MEOX2: variants seen among roughly 807,000 people sequenced by gnomAD.
MEOX2 encodes mesenchyme homeobox 2.
In MEOX2, 11 loss-of-function variants were observed where a neutral mutation model predicts 27.0. That is an observed-to-expected ratio of 0.41 (90% CI 0.26 to 0.68). The LOEUF (loss-of-function observed/expected upper bound fraction) is 0.68. Ranked by LOEUF, MEOX2 falls within the 30% of genes least tolerant of loss-of-function variation. MEOX2 has a pLI of 0.33. For missense variants in MEOX2, 436 were observed against 385.4 expected (o/e 1.13, Z -1.10); for synonymous variants, 189 against 155.4 (o/e 1.22, Z -1.61).
intron 2 of MEOX2, among the ~76,000 whole-genome samples, chr7:15,618,410 G>A (rs528670193): frequency 2.5e-4 from 38 of 152,014 alleles, no homozygotes; most frequent in Non-Finnish European, 4.4e-4. Context: ...CATGGAATTT[G>A]TATATTCTGA....
intron 1 of MEOX2, among the ~76,000 whole-genome samples, chr7:15,685,353 T>TAA (rs113917849): frequency 7.5e-4 from 111 of 147,060 alleles, no homozygotes; most frequent in Non-Finnish European, 8.7e-4. Context: ...ATAAGAATGT[T>TAA]AAAAAAAAAA....
At chr7:15,672,326 G>A (rs1418011728) in intron 1 of MEOX2, among the ~76,000 whole-genome samples, 1 of 152,080 alleles carries the variant, frequency 6.6e-6, no homozygotes, top group African/African-American at 2.4e-5. Flanking sequence ...GTAATGCTCA[G>A]AAGCTCAACA....
chr7:15,675,120 T>G (rs2115393631), intron 1 of MEOX2, among the ~76,000 whole-genome samples: 1 of 152,336 alleles, frequency 6.6e-6, no homozygotes, highest in South Asian at 2.1e-4. Flanking sequence ...AACAGATACT[T>G]CAATTCACAA....
In MEOX2 at chr7:15,686,676, C is replaced by A; in HGVS notation, c.-274G>T. On this transcript the variant is annotated 5_prime_UTR_variant, in exon 1 of 3. Coordinates refer to ENST00000262041, the MANE Select transcript of MEOX2 (RefSeq NM_005924.5). ...GCCAAAAGAAGGTGGTCCCAGAGAA[C>A]TGCTTTCAGGGGGAAATGGCTCTGA... 2.1e-6 allele frequency: 1 copy of A among 477,538 alleles called. No homozygotes were observed. Among genetic ancestry groups the A allele is most frequent in the Non-Finnish European group, 3.7e-6 (1 of 270,434 alleles). 29.6% of individuals were successfully genotyped at this position (477,538 alleles called of 1,614,324 possible). A position where few individuals can be genotyped will look rare whatever the true frequency, so the allele number is the denominator to read the frequency against.
chr7:15,660,198 G>C (rs1781890553), intron 1 of MEOX2, among the ~76,000 whole-genome samples: 1 of 152,110 alleles, frequency 6.6e-6, no homozygotes, highest in African/African-American at 2.4e-5. Flanking sequence ...ACACAATCTA[G>C]AAACACAAAA....
intron 1 of MEOX2, among the ~76,000 whole-genome samples, chr7:15,653,378 G>A (rs367792418): frequency 1.3e-5 from 2 of 151,578 alleles, no homozygotes; most frequent in East Asian, 3.9e-4. Context: ...TTTGATGTTC[G>A]TCCTTTATCA....
At chr7:15,644,641 G>A (rs530668987) in intron 1 of MEOX2, among the ~76,000 whole-genome samples, 3 of 152,140 alleles carry the variant, frequency 2.0e-5, no homozygotes, top group Non-Finnish European at 4.4e-5. Flanking sequence ...ACATGATTTG[G>A]ATAGTGGCAG....
chr7:15,619,681 T>C (rs1023840486), intron 2 of MEOX2, among the ~76,000 whole-genome samples: 4 of 151,992 alleles, frequency 2.6e-5, no homozygotes, highest in Middle Eastern at 3.2e-3. Context: ...TACATCTCCT[T>C]ACCTCTAACT....
At chr7:15,644,218 G>C (rs1322423191) in intron 1 of MEOX2, among the ~76,000 whole-genome samples, 2 of 152,082 alleles carry the variant, frequency 1.3e-5, no homozygotes, top group Admixed American at 1.3e-4. Context: ...GCCCAGTAAA[G>C]CCTTCTGGGC....
chr7:15,641,986 G>T (rs1781569390), intron 1 of MEOX2, among the ~76,000 whole-genome samples: 1 of 152,132 alleles, frequency 6.6e-6, no homozygotes, highest in African/African-American at 2.4e-5. Context: ...TCTTCTGTTA[G>T]TCTGATGAGA....
rs1165164415 is a variant in MEOX2, at chr7:15,612,313, T to G, written c.*74A>C. 8.6e-7 allele frequency: 1 copy of G among 1,157,540 alleles called. No homozygotes were observed. Among genetic ancestry groups the G allele is most frequent in the Non-Finnish European group, 1.3e-6 (1 of 769,252 alleles). 71.7% of individuals were successfully genotyped at this position (1,157,540 alleles called of 1,614,324 possible). A position where few individuals can be genotyped will look rare whatever the true frequency, so the allele number is the denominator to read the frequency against. ...CATCACTGCCATAGTCATCTCTCTGTGTAAACGATATTTGGGTAAGGCTTG... is the reference window on the plus strand; with the variant it reads ...CATCACTGCCATAGTCATCTCTCTGGGTAAACGATATTTGGGTAAGGCTTG... On this transcript the variant is annotated 3_prime_UTR_variant, in exon 3 of 3. Coordinates refer to ENST00000262041, the MANE Select transcript of MEOX2 (RefSeq NM_005924.5).
chr7:15,640,758 CT>C (rs1781547105), intron 1 of MEOX2, among the ~76,000 whole-genome samples: 1 of 152,048 alleles, frequency 6.6e-6, no homozygotes, highest in East Asian at 1.9e-4. Context: ...TTAACAAATG[CT>C]TTTTCTGCAT....
intron 1 of MEOX2, among the ~76,000 whole-genome samples, chr7:15,634,998 C>T (rs1781459112): frequency 6.6e-6 from 1 of 152,082 alleles, no homozygotes; most frequent in East Asian, 1.9e-4. Flanking sequence ...TTCTACAATG[C>T]ATCAAAGCAC....
At chr7:15,669,469 T>C (rs1371953425) in intron 1 of MEOX2, among the ~76,000 whole-genome samples, 1 of 152,258 alleles carries the variant, frequency 6.6e-6, no homozygotes, top group African/African-American at 2.4e-5. Flanking sequence ...TTGCCTAATG[T>C]GTAGCGTTAA....
intron 1 of MEOX2, among the ~76,000 whole-genome samples, chr7:15,645,533 T>C (rs1781628208): frequency 6.6e-6 from 1 of 152,204 alleles, no homozygotes; most frequent in East Asian, 1.9e-4. Context: ...ATGTTGGAAT[T>C]ATTTTTTATT....
At chr7:15,668,247 G>C (rs1174208842) in intron 1 of MEOX2, 1 of 152,170 alleles carries the variant, frequency 6.6e-6, no homozygotes. Context: ...CAACCTGACG[G>C]TGATGAAAAC....
chr7:15,643,905 C>A (rs1454971808), intron 1 of MEOX2, among the ~76,000 whole-genome samples: 1 of 152,152 alleles, frequency 6.6e-6, no homozygotes, highest in African/African-American at 2.4e-5. Context: ...TCAAGCATCA[C>A]CTGTGATGGG....
Position 15,624,277 on chromosome 7 carries a change from C to T in MEOX2, c.690+2469G>A, listed in dbSNP as rs916004794. ...CTTTTCACATTAACTTGCAAAACTG[C>T]ACGTAGAGATTTATGGAATAAAAAT... On this transcript the variant is annotated intron_variant, in intron 2 of 2. Transcript: ENST00000262041. Among the ~76,000 whole-genome samples the T allele has an allele frequency of 5.9e-5, 9 of 152,248 alleles. No homozygotes were observed. In the South Asian group the frequency reaches 1.0e-3, roughly 18 times the overall value.
intron 2 of MEOX2, 29 bp downstream of exon 2, chr7:15,626,717 G>C: frequency 6.4e-7 from 1 of 1,558,182 alleles, no homozygotes; most frequent in South Asian, 1.1e-5. Flanking sequence ...AATTAAAAAA[G>C]ATCATATAAT....
Sources: gnomAD v4.1 joint callset for allele counts (sites outside exome capture counted in the v4.1 genomes callset) on GRCh38, gnomAD v4.1.1 for gene constraint, MANE v1.5 for transcripts, NCBI Gene and HGNC (gene_info 2026-07-23, HGNC 2026-07-21) for gene names.